The following CFHR5 variants were observed in gnomAD, a reference collection of about 807,000 sequenced individuals.
The protein encoded by CFHR5 is complement factor H related 5.
Under a neutral mutation model 62.9 loss-of-function variants are expected in CFHR5, and 73 were observed. That is an observed-to-expected ratio of 1.16 (90% CI 0.96 to 1.41). The LOEUF (loss-of-function observed/expected upper bound fraction) is 1.41. CFHR5 is among the 40% of genes most tolerant of loss of function. CFHR5 has a pLI of 0.00. For missense variants in CFHR5, 779 were observed against 679.9 expected (o/e 1.15, Z -1.62); for synonymous variants, 249 against 227.2 (o/e 1.10, Z -0.86).
chr1:196,978,641 T>C (rs1653458454), intron 1 of CFHR5, among the ~76,000 whole-genome samples: 1 of 152,188 alleles, frequency 6.6e-6, no homozygotes, highest in Non-Finnish European at 1.5e-5. Flanking sequence ...CTTACAAATG[T>C]TGCAAAACAT....
intron 9 of CFHR5, among the ~76,000 whole-genome samples, chr1:197,007,350 G>T (rs918211126): frequency 2.0e-5 from 3 of 151,928 alleles, no homozygotes; most frequent in Non-Finnish European, 4.4e-5. Context: ...TAACACATAA[G>T]AATTTTTACA....
chr1:196,995,105 C>T (rs750899361), intron 4 of CFHR5, among the ~76,000 whole-genome samples: 25 of 152,080 alleles, frequency 1.6e-4, no homozygotes, highest in Middle Eastern at 3.2e-3. Context: ...TATAACTATA[C>T]ATTGCATATG....
intron 2 of CFHR5, among the ~76,000 whole-genome samples, chr1:196,983,673 C>G (rs542452999): frequency 6.6e-6 from 1 of 151,672 alleles, no homozygotes; most frequent in African/African-American, 2.4e-5. Context: ...ATGAGAATTG[C>G]GAGAAATATT....
chr1:196,990,407 G>A (rs1653813153), intron 3 of CFHR5, among the ~76,000 whole-genome samples: 1 of 152,134 alleles, frequency 6.6e-6, no homozygotes, highest in African/African-American at 2.4e-5. Context: ...ATTTGATCCT[G>A]TTATTGTGAT....
rs578144492 is a variant in CFHR5 at position 196,986,764 on chromosome 1, A to T, written c.430+2627A>T. Among the ~76,000 whole-genome samples the T allele has an allele frequency of 2.6e-5, 4 of 152,246 alleles. No individual in the cohort carries two copies. The East Asian group carries it at 7.7e-4, about 29-fold the overall frequency. ...GTGCCGCATTTTCTTAATCCAGTCT[A>T]TCACTTACGGACATTTGGGCTAGTT... On this transcript the variant is annotated intron_variant, in intron 3 of 9. Transcript: ENST00000256785.
At chr1:197,003,242 A>G (rs1654197502) in intron 8 of CFHR5, among the ~76,000 whole-genome samples, 1 of 152,178 alleles carries the variant, frequency 6.6e-6, no homozygotes, top group Admixed American at 6.5e-5. Context: ...TTGATCTGAC[A>G]GGAGGTAGTA....
At chr1:196,995,525 C>T (rs982024295) in intron 4 of CFHR5, among the ~76,000 whole-genome samples, 192 bp from the exon 5 acceptor site, 9 of 152,018 alleles carry the variant, frequency 5.9e-5, no homozygotes, top group African/African-American at 2.2e-4. Context: ...CAAAATTGTT[C>T]ATCATGAAAA....
intron 9 of CFHR5, among the ~76,000 whole-genome samples, chr1:197,005,630 A>G (rs867706482): frequency 2.0e-5 from 3 of 152,288 alleles, no homozygotes; most frequent in Non-Finnish European, 2.9e-5. Flanking sequence ...AGTTTACTCT[A>G]TAATAAGTGG....
At chr1:196,988,010 G>C (rs1653742759) in intron 3 of CFHR5, among the ~76,000 whole-genome samples, 2 of 152,150 alleles carry the variant, frequency 1.3e-5, no homozygotes, top group Admixed American at 6.6e-5. Flanking sequence ...AGCATGGAAA[G>C]TTCTTCCATT....
At position 197,004,902 on chromosome 1, in the gene CFHR5, G is replaced by A. The variant is rs148210576; in HGVS notation, c.1513+59G>A. 3.4e-3 allele frequency: 4,571 copies of A among 1,357,622 alleles called. 81 individuals carry two copies. The African/African-American group carries it at 0.046, about 14-fold the overall frequency. The allele number at this position is 1,357,622 out of a possible 1,614,324, so 84.1% of individuals were successfully genotyped here. A position where few individuals can be genotyped will look rare whatever the true frequency, so the allele number is the denominator to read the frequency against. ...TTAATATTTATAGTGTAATTTTTTT[G>A]GACTAATTTCATAGAATAACCCTTA... On this transcript the variant is annotated intron_variant, in intron 9 of 9. Transcript: ENST00000256785.
At chr1:196,983,118 G>A (rs1205368019) in intron 2 of CFHR5, 39 bp downstream of exon 2, 7 of 1,610,926 alleles carry the variant, frequency 4.3e-6, no homozygotes, top group South Asian at 1.1e-5. Flanking sequence ...ATGTCATTCA[G>A]TGAATAGAGA....
intron 1 of CFHR5, among the ~76,000 whole-genome samples, chr1:196,980,265 G>A (rs1207806273): frequency 6.6e-6 from 1 of 152,050 alleles, no homozygotes; most frequent in East Asian, 1.9e-4. Flanking sequence ...ATAAGTAGAA[G>A]AAGTGAACTA....
At chr1:196,994,848 C>T (rs1251189088) in intron 4 of CFHR5, among the ~76,000 whole-genome samples, 1 of 152,114 alleles carries the variant, frequency 6.6e-6, no homozygotes, top group African/African-American at 2.4e-5. Context: ...AAAGGCACAT[C>T]TCGAATGATG....
intron 3 of CFHR5, among the ~76,000 whole-genome samples, chr1:196,990,978 T>C (rs1653831435): frequency 6.6e-6 from 1 of 152,138 alleles, no homozygotes; most frequent in African/African-American, 2.4e-5. Flanking sequence ...TTGATTCCAT[T>C]ATCGCCCTCA....
At chr1:197,006,939 C>T (rs1427288606) in intron 9 of CFHR5, among the ~76,000 whole-genome samples, 4 of 151,292 alleles carry the variant, frequency 2.6e-5, no homozygotes, top group Non-Finnish European at 4.4e-5. Flanking sequence ...TGGGTTCAAG[C>T]GATTCTCCTG....
chr1:196,992,979 G>A (rs1289284951), intron 3 of CFHR5, among the ~76,000 whole-genome samples: 1 of 151,984 alleles, frequency 6.6e-6, no homozygotes. Context: ...TGTCTTGAAT[G>A]TCAATTATTT....
chr1:196,999,691 A>ATT (rs1654081924), intron 7 of CFHR5, among the ~76,000 whole-genome samples: 1 of 33,044 alleles, frequency 3.0e-5, no homozygotes, highest in Non-Finnish European at 6.8e-5. Flanking sequence ...AAGTATATAT[A>ATT]TATATATATA....
At position 196,995,749 on chromosome 1, in the gene CFHR5, C is replaced by A; in HGVS notation, c.640C>A (p.Leu214Ile). The A allele has an allele frequency of 6.2e-7, 1 of 1,613,332 alleles. No homozygotes were observed. The highest frequency in any genetic ancestry group is 2.2e-5 in the East Asian group (1 of 44,832). The change falls in exon 5 of 10, where the codon CTC becomes ATC. Residue 214 changes from leucine to isoleucine, a missense_variant. Leu to Ile is a conservative substitution (Grantham distance 5). Transcript: ENST00000256785. ...ACGATCATGTGGTCCACCTCCTCAA[C>A]TCTCCAATGGTGAAGTTAAGGAGAT... is the stretch of plus-strand genomic sequence containing the variant. The part of the protein sequence containing the change: ...QVRSCGPPPQ[L>I]SNGEVKEIRK...
At chr1:196,988,860 G>T (rs748623970) in intron 3 of CFHR5, among the ~76,000 whole-genome samples, 13 of 152,032 alleles carry the variant, frequency 8.6e-5, no homozygotes, top group Non-Finnish European at 1.9e-4. Context: ...GCCAGTCTTT[G>T]GTACCAGGAT....
Sources: gnomAD v4.1 joint callset for allele counts (sites outside exome capture counted in the v4.1 genomes callset) on GRCh38, gnomAD v4.1.1 for gene constraint, MANE v1.5 for transcripts, NCBI Gene and HGNC (gene_info 2026-07-23, HGNC 2026-07-21) for gene names.